PITPNC1: variants seen among roughly 807,000 people sequenced by gnomAD.
PITPNC1 encodes phosphatidylinositol transfer protein cytoplasmic 1, also known as cytoplasmic phosphatidylinositol transfer protein 1.
In PITPNC1, 18 loss-of-function variants were observed where a neutral mutation model predicts 44.7. The observed-to-expected ratio is 0.40, with a 90% CI of 0.28 to 0.60. The LOEUF (loss-of-function observed/expected upper bound fraction) is 0.60. Among genes scored for constraint, PITPNC1 ranks in the 20% least tolerant of loss-of-function variants. The pLI, the probability that PITPNC1 is intolerant of heterozygous loss-of-function variation, is 0.39. For synonymous variants in PITPNC1, 141 were observed against 149.6 expected, an observed-to-expected ratio of 0.94 and a Z score of 0.42; for missense variants, 290 against 418.4, an observed-to-expected ratio of 0.69 and a Z score of 2.68.
rs11657016 is a variant in PITPNC1, at chr17:67,643,163, G to T, written c.462+10925G>T. Among the ~76,000 whole-genome samples the T allele has an allele frequency of 3.9e-5, 6 of 152,264 alleles. No individual in the cohort carries two copies. In the East Asian group the frequency reaches 5.8e-4, roughly 15 times the overall value. On this transcript the variant is annotated intron_variant, in intron 6 of 8. Coordinates refer to ENST00000581322, the MANE Select transcript of PITPNC1 (RefSeq NM_012417.4). ...GCCTGTAATCCCAGCACTTTGGGAC[G>T]CCAAGGCAGGCAGATCACTTGAGGT...
At chr17:67,436,567 G>T (rs545898845) in intron 1 of PITPNC1, among the ~76,000 whole-genome samples, 9 of 152,122 alleles carry the variant, frequency 5.9e-5, no homozygotes, top group Admixed American at 4.6e-4. Flanking sequence ...GAAAGCGTTC[G>T]GGGCCTGGCT....
At chr17:67,395,988 T>A (rs2038214538) in intron 1 of PITPNC1, among the ~76,000 whole-genome samples, 1 of 152,234 alleles carries the variant, frequency 6.6e-6, no homozygotes, top group Non-Finnish European at 1.5e-5. Context: ...GATTCAGGAC[T>A]TAATAGTTCA....
At chr17:67,399,046 G>A (rs1208163237) in intron 1 of PITPNC1, among the ~76,000 whole-genome samples, 1 of 133,806 alleles carries the variant, frequency 7.5e-6, no homozygotes, top group Non-Finnish European at 1.5e-5. Context: ...ACGCAGTCGC[G>A]CTCTGTTTCC....
intron 8 of PITPNC1, among the ~76,000 whole-genome samples, chr17:67,691,901 CG>C (rs1449853634): frequency 2.0e-5 from 3 of 151,856 alleles, no homozygotes; most frequent in South Asian, 4.2e-4. Flanking sequence ...TTCAGCCTCA[CG>C]GGGCCCTAAT....
intron 1 of PITPNC1, among the ~76,000 whole-genome samples, chr17:67,514,950 A>G (rs62084115): frequency 0.023 from 3,466 of 152,300 alleles, 47 homozygotes; most frequent in Non-Finnish European, 0.035. Flanking sequence ...CAACACTTCA[A>G]AACCTATGTT....
Position 67,443,937 on chromosome 17 carries a change from C to T in PITPNC1, c.48+65735C>T, listed in dbSNP as rs151254594. Among the ~76,000 whole-genome samples the T allele has an allele frequency of 2.9e-3, 444 of 152,164 alleles. 1 individual carries two copies. The highest frequency in any genetic ancestry group is 0.01 in the African/African-American group (432 of 41,552). ...GGCGTGAGTCACTGCGCCCGGCCGA[C>T]ACTGGTCTTAAAATCAGGAGAACCT... On this transcript the variant is annotated intron_variant, in intron 1 of 8. Transcript: ENST00000581322.
At chr17:67,494,740 G>A (rs1243317446) in intron 1 of PITPNC1, among the ~76,000 whole-genome samples, 1 of 152,072 alleles carries the variant, frequency 6.6e-6, no homozygotes, top group South Asian at 2.1e-4. Flanking sequence ...GGGAGGCTGA[G>A]GTGAGCAGAT....
intron 5 of PITPNC1, among the ~76,000 whole-genome samples, chr17:67,628,866 ACT>A (rs779883481): frequency 2.0e-5 from 3 of 152,218 alleles, no homozygotes; most frequent in South Asian, 2.1e-4. Flanking sequence ...CCACAGGCAC[ACT>A]CTGCAGCCCA....
chr17:67,496,821 TG>T (rs1200448612), intron 1 of PITPNC1, among the ~76,000 whole-genome samples: 1 of 152,076 alleles, frequency 6.6e-6, no homozygotes, highest in Non-Finnish European at 1.5e-5. Flanking sequence ...AAAATTCAAA[TG>T]TAATACATAA....
intron 6 of PITPNC1, among the ~76,000 whole-genome samples, chr17:67,655,994 G>A (rs935745196): frequency 1.2e-4 from 18 of 152,170 alleles, no homozygotes; most frequent in African/African-American, 4.1e-4. Flanking sequence ...CAGACCAAAC[G>A]TTCATGGGAG....
intron 6 of PITPNC1, among the ~76,000 whole-genome samples, chr17:67,664,610 A>G (rs2042395722): frequency 6.6e-6 from 1 of 152,180 alleles, no homozygotes; most frequent in Non-Finnish European, 1.5e-5. Flanking sequence ...TCTTCTTTTA[A>G]GAAGACTTCA....
At chr17:67,533,673 G>A (rs1042637896) in intron 2 of PITPNC1, among the ~76,000 whole-genome samples, 9 of 152,160 alleles carry the variant, frequency 5.9e-5, no homozygotes, top group Admixed American at 6.5e-5. Context: ...TTGGGTGTCC[G>A]AAAAGGGAAT....
chr17:67,390,302 G>A (rs1427394750), intron 1 of PITPNC1, among the ~76,000 whole-genome samples: 4 of 152,162 alleles, frequency 2.6e-5, no homozygotes, highest in African/African-American at 9.7e-5. Flanking sequence ...GCTGCCCTAA[G>A]GCCAGCTACA....
chr17:67,665,871 G>C (rs1408079648), intron 6 of PITPNC1, among the ~76,000 whole-genome samples: 1 of 147,666 alleles, frequency 6.8e-6, no homozygotes, highest in Admixed American at 6.8e-5. Context: ...TTGAGACAGA[G>C]TCTCTGTCAC....
chr17:67,399,199 G>A (rs185719635), intron 1 of PITPNC1, among the ~76,000 whole-genome samples: 107 of 152,096 alleles, frequency 7.0e-4, no homozygotes, highest in Admixed American at 2.8e-3. Flanking sequence ...ATTTTTAGTA[G>A]AGACGGGGTT....
rs909712301 is a variant in PITPNC1 at position 67,676,861 on chromosome 17, C to T, written c.682+1319C>T. On this transcript the variant is annotated intron_variant, in intron 8 of 8. Coordinates refer to ENST00000581322, the MANE Select transcript of PITPNC1 (RefSeq NM_012417.4). This position sits in a 1 kb window ranked among gnomAD's most constrained non-coding sequence, Gnocchi z 4.0. ...TTTCTTACCTCCTTTTGCAGTTTTCCCAGATCTGCACCTTCTGAAGAGCAA... is the reference window on the plus strand; with the variant it reads ...TTTCTTACCTCCTTTTGCAGTTTTCTCAGATCTGCACCTTCTGAAGAGCAA... Among the ~76,000 whole-genome samples, 1 of 151,606 alleles carries T rather than the reference C, an allele frequency of 6.6e-6. No homozygotes were observed. Among genetic ancestry groups the T allele is most frequent in the Non-Finnish European group, 1.5e-5 (1 of 67,984 alleles).
chr17:67,548,352 A>G (rs1261502182), intron 2 of PITPNC1, among the ~76,000 whole-genome samples: 1 of 152,182 alleles, frequency 6.6e-6, no homozygotes, highest in Non-Finnish European at 1.5e-5. Context: ...ACACTTTGGG[A>G]GGCCAAGGCG....
intron 1 of PITPNC1, among the ~76,000 whole-genome samples, chr17:67,513,233 G>A (rs533286966): frequency 1.6e-4 from 24 of 151,774 alleles, no homozygotes; most frequent in South Asian, 8.3e-4. Context: ...GCATGGCGGC[G>A]GGCGACTGTA....
At chr17:67,557,434 C>T (rs2040853222) in intron 4 of PITPNC1, among the ~76,000 whole-genome samples, 1 of 152,188 alleles carries the variant, frequency 6.6e-6, no homozygotes, top group Non-Finnish European at 1.5e-5. Context: ...CACCTGGACA[C>T]ATGGATGGAG....
Sources: gnomAD v4.1 joint callset for allele counts (sites outside exome capture counted in the v4.1 genomes callset) on GRCh38, gnomAD v4.1.1 for gene constraint, Gnocchi (gnomAD v3.1) non-coding constraint, MANE v1.5 for transcripts, NCBI Gene and HGNC (gene_info 2026-07-23, HGNC 2026-07-21) for gene names.